TPSAB1: variants seen among roughly 807,000 people sequenced by gnomAD.
The protein encoded by TPSAB1 is tryptase alpha/beta 1, also known as tryptase alpha/beta-1.
In TPSAB1, 15 loss-of-function variants were observed where a neutral mutation model predicts 21.8. The observed-to-expected ratio is 0.69, with a 90% confidence interval of 0.46 to 1.06. The LOEUF (loss-of-function observed/expected upper bound fraction) is 1.06, where lower values mean the gene tolerates loss of function less well. TPSAB1 is among the 50% of genes least tolerant of loss of function. The pLI, the probability that TPSAB1 is intolerant of heterozygous loss-of-function variation, is 0.00. For synonymous variants in TPSAB1, 74 were observed against 140.4 expected (o/e 0.53, Z 3.34); for missense variants, 186 against 311.2 (o/e 0.60, Z 3.03).
intron 1 of TPSAB1, 80 bp downstream of exon 1, chr16:1,240,808 A>G (rs2030612369): frequency 7.7e-7 from 1 of 1,302,236 alleles, no homozygotes; most frequent in Non-Finnish European, 1.1e-6. Flanking sequence ...GAGCACCAAG[A>G]CCCAGGCCCG....
At position 1,242,071 on chromosome 16, in the gene TPSAB1, C is replaced by T. The variant is rs1253616180; in HGVS notation, c.664-5C>T. On this transcript the variant is annotated splice_region_variant and splice_polypyrimidine_tract_variant and intron_variant, in intron 5 of 5. Coordinates refer to ENST00000338844, the MANE Select transcript of TPSAB1 (RefSeq NM_003294.4). ...TCGGCGAGCGCTGACCTCTGACCTT[C>T]CCAGGGCGACTCCGGAGGGCCCCTG... 2 of 1,249,776 alleles carry T rather than the reference C, an allele frequency of 1.6e-6. No homozygotes were observed. The highest frequency in any genetic ancestry group is 6.7e-5 in the East Asian group (1 of 14,950). 77.4% of individuals were successfully genotyped at this position (1,249,776 alleles called of 1,614,324 possible). A position where few individuals can be genotyped will look rare whatever the true frequency, so the allele number is the denominator to read the frequency against.
Position 1,242,263 on chromosome 16 carries a change from G to A in TPSAB1, c.*23G>A, listed in dbSNP as rs1239104920. 4 of 1,612,288 alleles carry A rather than the reference G, an allele frequency of 2.5e-6. No individual in the cohort carries two copies. Among genetic ancestry groups the A allele is most frequent in the Non-Finnish European group, 2.5e-6 (3 of 1,179,314 alleles). The stretch of plus-strand genomic sequence containing the variant: ...TGAGTCAGGCCTGGGTTGGCCACCT[G>A]GGTCACTGGAGGACCAACCCCTGCT... On this transcript the variant is annotated 3_prime_UTR_variant, in exon 6 of 6. Transcript: ENST00000338844.
In TPSAB1 at chr16:1,241,292, G is replaced by A. The variant is rs781250119; in HGVS notation, c.201G>A (p.Gln67=). The A allele has an allele frequency of 6.2e-7, 1 of 1,611,512 alleles. No homozygotes were observed. Among genetic ancestry groups the A allele is most frequent in the Non-Finnish European group, 8.5e-7 (1 of 1,178,776 alleles). Residue 67 remains glutamine, a synonymous_variant, in exon 3 of 6, where the codon CAG becomes CAA. Transcript: ENST00000338844. ...HFCGGSLIHP[Q]WVLTAAHCVG... Reference sequence around the variant, plus strand: ...GCGGGGGCTCCCTCATCCACCCCCAGTGGGTGCTGACCGCAGCGCACTGCG... The same window carrying A: ...GCGGGGGCTCCCTCATCCACCCCCAATGGGTGCTGACCGCAGCGCACTGCG...
chr16:1,241,276 C>A lies in TPSAB1; in HGVS notation c.185C>A (p.Ser62Tyr), dbSNP rs749896572. The A allele has an allele frequency of 1.2e-6, 2 of 1,611,478 alleles. No homozygotes were observed. Among genetic ancestry groups the A allele is most frequent in the Non-Finnish European group, 1.7e-6 (2 of 1,178,878 alleles). ...TACTGGATGCACTTCTGCGGGGGCT[C>A]CCTCATCCACCCCCAGTGGGTGCTG... ...GPYWMHFCGG[S>Y]LIHPQWVLTA... is the part of the protein sequence containing the mutation. The change falls in exon 3 of 6, where the codon TCC becomes TAC. Residue 62 changes from serine (S) to tyrosine (Y), a missense_variant. By Grantham distance (144) the Ser-to-Tyr change is moderately radical (BLOSUM62 -2). Around this residue, in one of 4 missense-constraint regions of TPSAB1, gnomAD observed 89 missense variants for 74.9 expected, o/e 1.19. Transcript: ENST00000338844.
Position 1,242,348 on chromosome 16 carries a change from C to G in TPSAB1, c.*108C>G. 9.8e-7 allele frequency: 1 copy of G among 1,018,264 alleles called. No homozygotes were observed. The allele number at this position is 1,018,264 out of a possible 1,614,324, so 63.1% of individuals were successfully genotyped here. Reference sequence around the variant, plus strand: ...ACTGCCCCCCACACCTTCCCTGCCCCGTCCTGAGTGCCCCTTCCTGTCCTA... The same window carrying G: ...ACTGCCCCCCACACCTTCCCTGCCCGGTCCTGAGTGCCCCTTCCTGTCCTA... On this transcript the variant is annotated 3_prime_UTR_variant, in exon 6 of 6. Coordinates refer to ENST00000338844, the MANE Select transcript of TPSAB1 (RefSeq NM_003294.4).
Position 1,242,175 on chromosome 16 carries a change from G to T in TPSAB1, c.763G>T (p.Gly255Cys). Reference sequence around the variant, plus strand: ...GGGCTGTGCCCAGCCCAACCGGCCTGGCATCTACACCCGTGTCACCTACTA... The same window carrying T: ...GGGCTGTGCCCAGCCCAACCGGCCTTGCATCTACACCCGTGTCACCTACTA... ...GEGCAQPNRP[G>C]IYTRVTYYLD... Residue 255 changes from glycine to cysteine, a missense_variant, in exon 6 of 6, where the codon GGC becomes TGC. Transcript: ENST00000338844. 1.3e-6 allele frequency: 2 copies of T among 1,599,500 alleles called. No individual in the cohort carries two copies. The highest frequency in any genetic ancestry group is 2.3e-5 in the South Asian group (2 of 88,784).
Position 1,242,261 on chromosome 16 carries a change from C to T in TPSAB1, c.*21C>T. 1 of 1,612,534 alleles carries T rather than the reference C, an allele frequency of 6.2e-7. No individual in the cohort carries two copies. Among genetic ancestry groups the T allele is most frequent in the Non-Finnish European group, 8.5e-7 (1 of 1,179,380 alleles). Reference sequence around the variant, plus strand: ...CGTGAGTCAGGCCTGGGTTGGCCACCTGGGTCACTGGAGGACCAACCCCTG... The same window carrying T: ...CGTGAGTCAGGCCTGGGTTGGCCACTTGGGTCACTGGAGGACCAACCCCTG... On this transcript the variant is annotated 3_prime_UTR_variant, in exon 6 of 6. Transcript: ENST00000338844.
intron 2 of TPSAB1, 70 bp downstream of exon 2, chr16:1,241,069 G>C (rs2030621867): frequency 6.7e-7 from 1 of 1,482,476 alleles, no homozygotes; most frequent in African/African-American, 1.4e-5. Context: ...TGGGTTCTGG[G>C]GAGGTCGGGC....
chr16:1,242,136 G>C lies in TPSAB1; in HGVS notation c.724G>C (p.Val242Leu). The change falls in exon 6 of 6, where the codon GTC (valine) becomes CTC (leucine). Residue 242 changes from valine (V) to leucine (L), a missense_variant. Around this residue, in one of 4 missense-constraint regions of TPSAB1, gnomAD observed 85 missense variants for 104.3 expected, o/e 0.81. Coordinates refer to ENST00000338844, the MANE Select transcript of TPSAB1 (RefSeq NM_003294.4). Reference protein sequence around the residue: ...VNGTWLQAGVVSWGEGCAQPN... With the variant: ...VNGTWLQAGVLSWGEGCAQPN... ...TGGCACCTGGCTGCAGGCGGGCGTG[G>C]TCAGCTGGGGCGAGGGCTGTGCCCA... is the stretch of plus-strand genomic sequence containing the variant. 1 of 1,575,140 alleles carries C rather than the reference G, an allele frequency of 6.3e-7. No homozygotes were observed. Among genetic ancestry groups the C allele is most frequent in the Non-Finnish European group, 8.6e-7 (1 of 1,165,640 alleles).
rs2030691649 is a variant in TPSAB1, at chr16:1,242,372, T to C, written c.*132T>C. ...CCGTCCTGAGTGCCCCTTCCTGTCCTAAGCCCCCTGCTCTCTTCTGAGCCC... is the reference window on the plus strand; with the variant it reads ...CCGTCCTGAGTGCCCCTTCCTGTCCCAAGCCCCCTGCTCTCTTCTGAGCCC... On this transcript the variant is annotated 3_prime_UTR_variant, in exon 6 of 6. Transcript: ENST00000338844. The C allele has an allele frequency of 1.6e-5, 10 of 627,690 alleles. 1 individual carries two copies. In the South Asian group the frequency reaches 1.8e-4, roughly 11 times the overall value. The allele number at this position is 627,690 out of a possible 1,614,324, so 38.9% of individuals were successfully genotyped here.
At position 1,242,157 on chromosome 16, in the gene TPSAB1, G is replaced by A. The variant is rs373933297; in HGVS notation, c.745G>A (p.Ala249Thr). 20 of 1,596,462 alleles carry A rather than the reference G, an allele frequency of 1.3e-5. 1 individual carries two copies. The African/African-American group carries it at 1.3e-4, about 10-fold the overall frequency. Residue 249 changes from alanine (A) to threonine (T), a missense_variant, in exon 6 of 6, where the codon GCC (alanine) becomes ACC (threonine). Coordinates refer to ENST00000338844, the MANE Select transcript of TPSAB1 (RefSeq NM_003294.4). ...AGVVSWGEGC[A>T]QPNRPGIYTR... ...CGTGGTCAGCTGGGGCGAGGGCTGT[G>A]CCCAGCCCAACCGGCCTGGCATCTA...
At position 1,242,251 on chromosome 16, in the gene TPSAB1, G is replaced by A. The variant is rs1233649254; in HGVS notation, c.*11G>A. On this transcript the variant is annotated 3_prime_UTR_variant, in exon 6 of 6. Transcript: ENST00000338844. ...CCCAAAAAGCCGTGAGTCAGGCCTG[G>A]GTTGGCCACCTGGGTCACTGGAGGA... 2.5e-6 allele frequency: 4 copies of A among 1,612,666 alleles called. No homozygotes were observed. Among genetic ancestry groups the A allele is most frequent in the Non-Finnish European group, 3.4e-6 (4 of 1,179,490 alleles).
chr16:1,241,182 A>G lies in TPSAB1; in HGVS notation c.91A>G (p.Ile31Val), dbSNP rs754046729. 1.9e-5 allele frequency: 30 copies of G among 1,607,240 alleles called. No homozygotes were observed. Among genetic ancestry groups the G allele is most frequent in the Non-Finnish European group, 2.4e-5 (28 of 1,177,682 alleles). Reference sequence around the variant, plus strand: ...AGGCCAGGCCCTGCAGCGAGTGGGCATCGTCGGGGGTCAGGAGGCCCCCAG... The same window carrying G: ...AGGCCAGGCCCTGCAGCGAGTGGGCGTCGTCGGGGGTCAGGAGGCCCCCAG... Reference protein sequence around the residue: ...APGQALQRVGIVGGQEAPRSK... With the variant: ...APGQALQRVGVVGGQEAPRSK... The change falls in exon 3 of 6, where the codon ATC becomes GTC. Residue 31 changes from isoleucine (I) to valine (V), a missense_variant. Coordinates refer to ENST00000338844, the MANE Select transcript of TPSAB1 (RefSeq NM_003294.4).
chr16:1,241,243 A>T lies in TPSAB1; in HGVS notation c.152A>T (p.His51Leu). ...CCCTGGCAGGTGAGCCTGAGAGTCC[A>T]CGGCCCATACTGGATGCACTTCTGC... The part of the protein sequence containing the change: ...KWPWQVSLRV[H>L]GPYWMHFCGG... The change falls in exon 3 of 6, where the codon CAC becomes CTC. Residue 51 changes from histidine (H) to leucine (L), a missense_variant. His to Leu is a moderately conservative substitution (Grantham distance 99). This residue lies in a region of TPSAB1 where 89 missense variants were observed against 74.9 expected (regional missense o/e 1.19). Coordinates refer to ENST00000338844, the MANE Select transcript of TPSAB1 (RefSeq NM_003294.4). The T allele has an allele frequency of 1.2e-6, 2 of 1,603,240 alleles. No homozygotes were observed. The highest frequency in any genetic ancestry group is 1.7e-6 in the Non-Finnish European group (2 of 1,175,144).
At position 1,241,272 on chromosome 16, in the gene TPSAB1, G is replaced by A. The variant is rs1290918324; in HGVS notation, c.181G>A (p.Gly61Ser). ...HGPYWMHFCG[G>S]SLIHPQWVLT... Reference sequence around the variant, plus strand: ...CCCATACTGGATGCACTTCTGCGGGGGCTCCCTCATCCACCCCCAGTGGGT... The same window carrying A: ...CCCATACTGGATGCACTTCTGCGGGAGCTCCCTCATCCACCCCCAGTGGGT... Residue 61 changes from glycine (G) to serine (S), a missense_variant, in exon 3 of 6, where the codon GGC (glycine) becomes AGC (serine). Gly to Ser is a moderately conservative substitution (Grantham distance 56). This residue lies in a region of TPSAB1 where 89 missense variants were observed against 74.9 expected (regional missense o/e 1.19). Coordinates refer to ENST00000338844, the MANE Select transcript of TPSAB1 (RefSeq NM_003294.4). 6.2e-6 allele frequency: 10 copies of A among 1,611,868 alleles called. No individual in the cohort carries two copies. The highest frequency in any genetic ancestry group is 7.6e-6 in the Non-Finnish European group (9 of 1,179,210).
chr16:1,241,276 C>T lies in TPSAB1; in HGVS notation c.185C>T (p.Ser62Phe). Residue 62 changes from serine to phenylalanine, a missense_variant, in exon 3 of 6, where the codon TCC becomes TTC. Physicochemically the swap from Ser to Phe is radical, Grantham distance 155. Coordinates refer to ENST00000338844, the MANE Select transcript of TPSAB1 (RefSeq NM_003294.4). Reference protein sequence around the residue: ...GPYWMHFCGGSLIHPQWVLTA... With the variant: ...GPYWMHFCGGFLIHPQWVLTA... ...TACTGGATGCACTTCTGCGGGGGCT[C>T]CCTCATCCACCCCCAGTGGGTGCTG... is the stretch of plus-strand genomic sequence containing the variant. 6.2e-7 allele frequency: 1 copy of T among 1,611,478 alleles called. No individual in the cohort carries two copies. The highest frequency in any genetic ancestry group is 1.1e-5 in the South Asian group (1 of 90,596).
chr16:1,242,005 T>TGCCCCCCCCCCCCCCCCCCCACAC lies in TPSAB1; in HGVS notation c.663+15_663+16insGCCCCCCCCCCCCCCCCCCCACAC. ...ACTCATGCCAGGTGGGCCCCGCCTG[T>TGCCCCCCCCCCCCCCCCCCCACAC]CCCCCGCCCCCCGCCCCCCAACCCC... is the stretch of plus-strand genomic sequence containing the variant. On this transcript the variant is annotated intron_variant, in intron 5 of 5. Transcript: ENST00000338844. 3.9e-6 allele frequency: 1 copy of TGCCCCCCCCCCCCCCCCCCCACAC among 255,958 alleles called. No homozygotes were observed. The highest frequency in any genetic ancestry group is 6.2e-5 in the East Asian group (1 of 16,098). The allele number at this position is 255,958 out of a possible 1,614,324, so 15.9% of individuals were successfully genotyped here. A position where few individuals can be genotyped will look rare whatever the true frequency, so the allele number is the denominator to read the frequency against.
intron 2 of TPSAB1, 76 bp downstream of exon 2, chr16:1,241,075 C>A: frequency 7.5e-7 from 1 of 1,342,178 alleles, no homozygotes; most frequent in Non-Finnish European, 9.9e-7. Flanking sequence ...CTGGGGAGGT[C>A]GGGCTGGCCC....
chr16:1,242,235 C>T lies in TPSAB1; in HGVS notation c.823C>T (p.Pro275Ser), dbSNP rs781641138. The change falls in exon 6 of 6, where the codon CCG (proline) becomes TCG (serine). Residue 275 changes from proline (P) to serine (S), a missense_variant. Physicochemically the swap from Pro to Ser is moderately conservative, Grantham distance 74 (BLOSUM62 -1). Transcript: ENST00000338844. ...GATCCACCACTATGTCCCCAAAAAG[C>T]CGTGAGTCAGGCCTGGGTTGGCCAC... is the stretch of plus-strand genomic sequence containing the variant. ...DWIHHYVPKKP is the reference protein window; with the variant it reads ...DWIHHYVPKKS 1 of 1,612,248 alleles carries T rather than the reference C, an allele frequency of 6.2e-7. No homozygotes were observed. The highest frequency in any genetic ancestry group is 8.5e-7 in the Non-Finnish European group (1 of 1,179,398).
Sources: gnomAD v4.1 joint callset for allele counts on GRCh38, gnomAD v4.1.1 for gene constraint, gnomAD v4.1.1 regional missense constraint, MANE v1.5 for transcripts, NCBI Gene and HGNC (gene_info 2026-07-23, HGNC 2026-07-21) for gene names.